The following PCDHGA2 variants were observed in gnomAD, a reference collection of about 807,000 sequenced individuals.
PCDHGA2 encodes the protein protocadherin gamma-A2.
In PCDHGA2, 40 loss-of-function variants were observed where a neutral mutation model predicts 59.2. That is an observed-to-expected ratio of 0.68 (90% CI 0.52 to 0.88). The LOEUF is 0.88. Among genes scored for constraint, PCDHGA2 ranks in the 40% least tolerant of loss-of-function variants. The pLI, the probability that PCDHGA2 is intolerant of heterozygous loss-of-function variation, is 0.00. For missense variants in PCDHGA2, 1,226 were observed against 1,204.0 expected, an observed-to-expected ratio of 1.02 and a Z score of -0.27; for synonymous variants, 560 against 526.0, an observed-to-expected ratio of 1.06 and a Z score of -0.89.
At chr5:141,360,474 A>G (rs1207223799) in intron 1 of PCDHGA2, 1 of 1,613,864 alleles carries the variant, frequency 6.2e-7, no homozygotes, top group African/African-American at 1.3e-5. Context: ...CTGAAAATCC[A>G]CTAAATATTT....
At chr5:141,381,798 C>CTCTTTCTTTCTTTCTTTCTTTCTT (rs372235829) in intron 1 of PCDHGA2, among the ~76,000 whole-genome samples, 8 of 144,168 alleles carry the variant, frequency 5.5e-5, no homozygotes, top group African/African-American at 1.9e-4. Flanking sequence ...AGGCAATTCC[C>CTCTTTCTTTCTTTCTTTCTTTCTT]TCTTTCTTTC....
In PCDHGA2 at chr5:141,486,959, G is replaced by A. The variant is rs1161675143; in HGVS notation, c.2425-7848G>A. The A allele has an allele frequency of 1.9e-6, 3 of 1,614,098 alleles. No individual in the cohort carries two copies. In the African/African-American group the frequency reaches 4.0e-5, roughly 22 times the overall value. On this transcript the variant is annotated intron_variant, in intron 1 of 3. Transcript: ENST00000394576. The surrounding 1 kb of genome is among the most constrained non-coding windows in gnomAD (Gnocchi z 5.0). ...CCACCTAATCACAAAGGTGACTGCTGTGGACTTGGATTCAGGTTACAATGC... is the reference window on the plus strand; with the variant it reads ...CCACCTAATCACAAAGGTGACTGCTATGGACTTGGATTCAGGTTACAATGC...
intron 1 of PCDHGA2, chr5:141,412,884 G>A: frequency 3.2e-6 from 1 of 311,540 alleles, no homozygotes. Flanking sequence ...TAATCCAACA[G>A]AATAGTTTAC....
chr5:141,392,683 G>A, intron 1 of PCDHGA2: 1 of 1,058,682 alleles, frequency 9.4e-7, no homozygotes. Context: ...GGACTGCAGC[G>A]AAACCCGACC....
intron 1 of PCDHGA2, chr5:141,385,549 C>G (rs2090279237): frequency 7.6e-7 from 1 of 1,316,048 alleles, no homozygotes; most frequent in Non-Finnish European, 9.7e-7. Context: ...TGGACTATCA[C>G]ATTTTATAAT....
At chr5:141,441,325 T>C (rs961263461) in intron 1 of PCDHGA2, 1 of 152,192 alleles carries the variant, frequency 6.6e-6, no homozygotes, top group African/African-American at 2.4e-5. Flanking sequence ...AGAAAAATCT[T>C]CCTCCAATAA....
intron 1 of PCDHGA2, chr5:141,365,060 C>T (rs750087491): frequency 1.2e-6 from 2 of 1,613,874 alleles, no homozygotes; most frequent in Admixed American, 1.7e-5. Context: ...CCTGTTCACC[C>T]CATCCGAGTA....
At chr5:141,409,462 C>A (rs377705841) in intron 1 of PCDHGA2, 64 of 1,613,870 alleles carry the variant, frequency 4.0e-5, no homozygotes, top group Non-Finnish European at 5.3e-5. Flanking sequence ...AATACAATGT[C>A]ACCATCGTAG....
chr5:141,372,451 C>A (rs749000608), intron 1 of PCDHGA2: 1 of 1,614,042 alleles, frequency 6.2e-7, no homozygotes, highest in East Asian at 2.2e-5. Context: ...GACCCTCAGG[C>A]GGAGCTACAG....
chr5:141,341,316 A>G lies in PCDHGA2; in HGVS notation c.2345A>G (p.Gln782Arg). 1 of 1,614,262 alleles carries G rather than the reference A, an allele frequency of 6.2e-7. No homozygotes were observed. Among genetic ancestry groups the G allele is most frequent in the Non-Finnish European group, 8.5e-7 (1 of 1,180,048 alleles). ...QPNYADTLIS[Q>R]ESCEKKDFLS... Reference sequence around the variant, plus strand: ...AACTATGCGGACACGCTCATCAGCCAGGAGAGCTGTGAGAAAAAGGATTTT... The same window carrying G: ...AACTATGCGGACACGCTCATCAGCCGGGAGAGCTGTGAGAAAAAGGATTTT... The change falls in exon 1 of 4, where the codon CAG becomes CGG. Residue 782 changes from glutamine to arginine, a missense_variant. Coordinates refer to ENST00000394576, the MANE Select transcript of PCDHGA2 (RefSeq NM_018915.4).
In PCDHGA2 at chr5:141,485,146, G is replaced by C; in HGVS notation, c.2425-9661G>C. 6.4e-7 allele frequency: 1 copy of C among 1,569,470 alleles called. No individual in the cohort carries two copies. Among genetic ancestry groups the C allele is most frequent in the Non-Finnish European group, 8.7e-7 (1 of 1,143,568 alleles). On this transcript the variant is annotated intron_variant, in intron 1 of 3. Transcript: ENST00000394576. The surrounding 1 kb of genome is among the most constrained non-coding windows in gnomAD (Gnocchi z 5.7). Reference sequence around the variant, plus strand: ...GGTCGGCTTCATCCGCGTCTCAGGAGCAAGTAGAGAATTAGCGGGCGGCAG... The same window carrying C: ...GGTCGGCTTCATCCGCGTCTCAGGACCAAGTAGAGAATTAGCGGGCGGCAG...
At chr5:141,375,888 C>G in intron 1 of PCDHGA2, 1 of 1,613,818 alleles carries the variant, frequency 6.2e-7, no homozygotes, top group Admixed American at 1.7e-5. Context: ...GGCCAGAACG[C>G]CTGGCTGTCC....
At chr5:141,427,997 A>C (rs1471083920) in intron 1 of PCDHGA2, 2 of 1,600,232 alleles carry the variant, frequency 1.2e-6, no homozygotes, top group African/African-American at 2.7e-5. Flanking sequence ...ATGGCTCCGC[A>C]CTCTTCGATA....
rs951029522 is a variant in PCDHGA2, at chr5:141,487,944, G to A, written c.2425-6863G>A. 6.6e-6 allele frequency among the ~76,000 whole-genome samples: 1 copy of A among 152,164 alleles called. No homozygotes were observed. Among genetic ancestry groups the A allele is most frequent in the Admixed American group, 6.5e-5 (1 of 15,282 alleles). On this transcript the variant is annotated intron_variant, in intron 1 of 3. Transcript: ENST00000394576. The surrounding 1 kb of genome is among the most constrained non-coding windows in gnomAD (Gnocchi z 5.0). ...ACAGTGCACAGGGTACAGTGCACCA[G>A]GCAGTCACTTGGACAAAGGTGGCTG...
intron 1 of PCDHGA2, among the ~76,000 whole-genome samples, chr5:141,456,918 G>A (rs535602842): frequency 6.6e-6 from 1 of 152,006 alleles, no homozygotes; most frequent in African/African-American, 2.4e-5. Context: ...AGCCGAGATC[G>A]CACCACTGCA....
chr5:141,418,429 A>T (rs765952024), intron 1 of PCDHGA2: 2 of 1,613,854 alleles, frequency 1.2e-6, no homozygotes, highest in African/African-American at 2.7e-5. Context: ...ATGGTGGCAA[A>T]TATCCAGAAT....
At chr5:141,355,369 C>G in intron 1 of PCDHGA2, 1 of 1,614,040 alleles carries the variant, frequency 6.2e-7, no homozygotes, top group African/African-American at 1.3e-5. Context: ...GTTGGCGCCC[C>G]GGGAGCTGGC....
rs2096370584 is a variant in PCDHGA2 at position 141,419,372 on chromosome 5, G to A, written c.2425-75435G>A. On this transcript the variant is annotated intron_variant, in intron 1 of 3. Coordinates refer to ENST00000394576, the MANE Select transcript of PCDHGA2 (RefSeq NM_018915.4). The stretch of plus-strand genomic sequence containing the variant: ...GGAGTCACGAACGCTGTCGTCCTAC[G>A]TGTCCGTGAGCGCGCAGAGCGGGGT... 2 of 1,613,728 alleles carry A rather than the reference G, an allele frequency of 1.2e-6. No homozygotes were observed. Among genetic ancestry groups the A allele is most frequent in the South Asian group, 1.1e-5 (1 of 91,088 alleles).
intron 1 of PCDHGA2, among the ~76,000 whole-genome samples, chr5:141,430,322 C>G (rs1266324669): frequency 6.7e-6 from 1 of 150,364 alleles, no homozygotes; most frequent in Non-Finnish European, 1.5e-5. Flanking sequence ...AGATTAAAAT[C>G]ATTGTTTATA....
Sources: allele counts gnomAD v4.1 joint callset (sites outside exome capture counted in the v4.1 genomes callset), GRCh38; gene constraint gnomAD v4.1.1; non-coding constraint Gnocchi (gnomAD v3.1); transcripts MANE v1.5; gene names NCBI Gene and HGNC (gene_info 2026-07-23, HGNC 2026-07-21).